DPYD: variants seen among roughly 807,000 people sequenced by gnomAD.
DPYD encodes dihydropyrimidine dehydrogenase [NADP(+)].
DPYD carries 109 observed loss-of-function variants against 116.2 expected under a neutral mutation model. That is an observed-to-expected ratio of 0.94 (90% CI 0.80 to 1.10). The LOEUF is 1.10. Ranked by LOEUF, DPYD falls within the 50% of genes least tolerant of loss-of-function variation. DPYD has a pLI of 0.00. For missense variants in DPYD, 1,302 were observed against 1,254.5 expected, an observed-to-expected ratio of 1.04 and a Z score of -0.57; for synonymous variants, 440 against 432.0, an observed-to-expected ratio of 1.02 and a Z score of -0.23.
chr1:97,226,056 G>T (rs763473234), intron 19 of DPYD, among the ~76,000 whole-genome samples: 1 of 152,060 alleles, frequency 6.6e-6, no homozygotes, highest in African/African-American at 2.4e-5. Context: ...TCAAATAGCA[G>T]TCATCTTAGA....
At chr1:97,731,219 T>A (rs191295768) in intron 4 of DPYD, among the ~76,000 whole-genome samples, 94 of 152,254 alleles carry the variant, frequency 6.2e-4, no homozygotes, top group African/African-American at 2.2e-3. Context: ...GACGAGAATA[T>A]GAGCAATTCC....
chr1:97,524,823 T>C (rs1022999724), intron 12 of DPYD, among the ~76,000 whole-genome samples: 4 of 152,222 alleles, frequency 2.6e-5, no homozygotes, highest in African/African-American at 9.6e-5. Context: ...TCTGATTAGA[T>C]TGTTGCAATC....
At chr1:97,323,923 T>C (rs1668570766) in intron 16 of DPYD, among the ~76,000 whole-genome samples, 1 of 151,816 alleles carries the variant, frequency 6.6e-6, no homozygotes, top group African/African-American at 2.4e-5. Flanking sequence ...TCTTACTCTT[T>C]CTACTGTCTT....
chr1:97,584,578 A>C (rs531393937), intron 10 of DPYD, among the ~76,000 whole-genome samples: 1 of 152,062 alleles, frequency 6.6e-6, no homozygotes, highest in African/African-American at 2.4e-5. Flanking sequence ...ATCTTGAATT[A>C]ATTTTTGTGG....
intron 18 of DPYD, among the ~76,000 whole-genome samples, chr1:97,268,260 C>T (rs772833150): frequency 3.3e-5 from 5 of 152,028 alleles, no homozygotes; most frequent in African/African-American, 7.2e-5. Flanking sequence ...CACAATTTGG[C>T]GTCTTATGCC....
At chr1:97,357,574 G>A (rs1256589897) in intron 16 of DPYD, among the ~76,000 whole-genome samples, 1 of 152,106 alleles carries the variant, frequency 6.6e-6, no homozygotes, top group African/African-American at 2.4e-5. Flanking sequence ...TACAAATGCA[G>A]TTTTGTTACA....
chr1:97,190,386 T>C (rs554737139), intron 20 of DPYD, among the ~76,000 whole-genome samples: 1 of 152,274 alleles, frequency 6.6e-6, no homozygotes, highest in African/African-American at 2.4e-5. Flanking sequence ...CCATGAGAAT[T>C]ATGATGTTAA....
At chr1:97,557,708 A>C (rs1651849169) in intron 11 of DPYD, among the ~76,000 whole-genome samples, 2 of 152,182 alleles carry the variant, frequency 1.3e-5, no homozygotes, top group South Asian at 4.1e-4. Context: ...CAGTCAGTTA[A>C]CATGTTGTGC....
chr1:97,115,409 T>A (rs897363153), intron 20 of DPYD, among the ~76,000 whole-genome samples: 1 of 152,164 alleles, frequency 6.6e-6, no homozygotes, highest in African/African-American at 2.4e-5. Flanking sequence ...AAATTGGTAT[T>A]TACTCCTGAA....
In DPYD at chr1:97,339,409, A is replaced by T. The variant is rs940316030; in HGVS notation, c.2059-33112T>A. ...TCTGACCTCCAATGCTAATGAAAAAAATTCTTTCTTCTACTCAGAACAAAA... is the reference window on the plus strand; with the variant it reads ...TCTGACCTCCAATGCTAATGAAAAATATTCTTTCTTCTACTCAGAACAAAA... On this transcript the variant is annotated intron_variant, in intron 16 of 22. Coordinates refer to ENST00000370192, the MANE Select transcript of DPYD (RefSeq NM_000110.4). Among the ~76,000 whole-genome samples, 5 of 152,208 alleles carry T rather than the reference A, an allele frequency of 3.3e-5. 1 individual carries two copies. The highest frequency in any genetic ancestry group is 1.2e-4 in the African/African-American group (5 of 41,460).
chr1:97,518,200 C>A (rs1339741630), intron 12 of DPYD, among the ~76,000 whole-genome samples: 1 of 152,008 alleles, frequency 6.6e-6, no homozygotes, highest in African/African-American at 2.4e-5. Context: ...CACACACACA[C>A]ACAGACACAA....
In DPYD at chr1:97,373,600, A is replaced by T. The variant is rs1312675856; in HGVS notation, c.2019T>A (p.His673Gln). The T allele has an allele frequency of 6.2e-7, 1 of 1,613,918 alleles. No individual in the cohort carries two copies. The highest frequency in any genetic ancestry group is 1.1e-5 in the South Asian group (1 of 91,078). Residue 673 changes from histidine to glutamine, a missense_variant, in exon 16 of 23, where the codon CAT becomes CAA. His to Gln is a conservative substitution (Grantham distance 24, BLOSUM62 0). Coordinates refer to ENST00000370192, the MANE Select transcript of DPYD (RefSeq NM_000110.4). ...GGCCCATTCCTCTTTCTCCCATGCC[A>T]TGTGGACATGATAAATTTAACTCCA... ...DALELNLSCP[H>Q]GMGERGMGLA... is the part of the protein sequence containing the mutation.
At chr1:97,595,018 T>G (rs757196661) in intron 9 of DPYD, 41 bp downstream of exon 9, 1 of 1,396,140 alleles carries the variant, frequency 7.2e-7, no homozygotes, top group South Asian at 1.2e-5. Context: ...ATAAATAAAA[T>G]AGCATACTCA....
At chr1:97,643,031 G>C (rs1292119878) in intron 8 of DPYD, among the ~76,000 whole-genome samples, 1 of 151,964 alleles carries the variant, frequency 6.6e-6, no homozygotes, top group East Asian at 1.9e-4. Flanking sequence ...CATGGACAAA[G>C]ACTTCATGAC....
chr1:97,806,824 C>A (rs2101363495), intron 3 of DPYD, among the ~76,000 whole-genome samples: 1 of 152,048 alleles, frequency 6.6e-6, no homozygotes, highest in South Asian at 2.1e-4. Context: ...CTATTCATCT[C>A]TTCATCTTAA....
At chr1:97,810,855 C>T (rs932139026) in intron 3 of DPYD, among the ~76,000 whole-genome samples, 1 of 152,018 alleles carries the variant, frequency 6.6e-6, no homozygotes, top group Non-Finnish European at 1.5e-5. Flanking sequence ...TTTAGTAATA[C>T]GAAATACTCC....
At chr1:97,625,777 G>C (rs1656892047) in intron 8 of DPYD, among the ~76,000 whole-genome samples, 1 of 151,908 alleles carries the variant, frequency 6.6e-6, no homozygotes, top group African/African-American at 2.4e-5. Context: ...CCAGAACTGT[G>C]AGAAAATAAA....
intron 18 of DPYD, among the ~76,000 whole-genome samples, chr1:97,277,885 G>A (rs1459152434): frequency 6.6e-6 from 1 of 152,126 alleles, no homozygotes. Flanking sequence ...ATGATCTCTG[G>A]TTAGTCCTCC....
At chr1:97,883,768 T>C in intron 1 of DPYD, 1 of 403,280 alleles carries the variant, frequency 2.5e-6, no homozygotes, top group Non-Finnish European at 4.7e-6. Flanking sequence ...AATCAAACTT[T>C]ATCTAAGATT....
Sources: allele counts gnomAD v4.1 joint callset (sites outside exome capture counted in the v4.1 genomes callset), GRCh38; gene constraint gnomAD v4.1.1; transcripts MANE v1.5; gene names NCBI Gene and HGNC (gene_info 2026-07-23, HGNC 2026-07-21).